Variants in C6 observed in about 807,000 individuals in gnomAD.
C6 encodes the protein complement C6, also known as complement component C6.
Under a neutral mutation model 112.9 loss-of-function variants are expected in C6, and 101 were observed. The observed-to-expected ratio is 0.89, with a 90% CI of 0.76 to 1.06. C6 has a LOEUF of 1.06. Ranked by LOEUF, C6 falls within the 50% of genes least tolerant of loss-of-function variation. The probability of loss-of-function intolerance (pLI) is 0.00; values close to 1 mark genes in which losing one functional copy is unlikely to be tolerated. For missense variants in C6, 1,202 were observed against 1,104.6 expected (o/e 1.09, Z -1.25); for synonymous variants, 431 against 384.1 (o/e 1.12, Z -1.43).
At chr5:41,234,340 T>G (rs1035763206) in intron 1 of C6, among the ~76,000 whole-genome samples, 8 of 145,758 alleles carry the variant, frequency 5.5e-5, no homozygotes, top group South Asian at 2.2e-4. Context: ...ACCCTTTCGT[T>G]TTTTTTTTTG....
chr5:41,204,763 G>A (rs944290009), intron 1 of C6, among the ~76,000 whole-genome samples: 63 of 145,162 alleles, frequency 4.3e-4, no homozygotes, highest in Middle Eastern at 3.7e-3. Context: ...TCTGCCTCCC[G>A]GGTTCATGCC....
intron 1 of C6, among the ~76,000 whole-genome samples, chr5:41,204,490 G>A (rs151232569): frequency 2.1e-4 from 32 of 152,062 alleles, no homozygotes; most frequent in African/African-American, 6.5e-4. Context: ...ATATTTCTAC[G>A]TGATTAGTTT....
At chr5:41,179,710 A>G (rs570161133) in intron 7 of C6, among the ~76,000 whole-genome samples, 1 of 148,486 alleles carries the variant, frequency 6.7e-6, no homozygotes, top group East Asian at 1.9e-4. Flanking sequence ...ATATAGTTAT[A>G]TATAATTTAT....
chr5:41,150,316 A>G (rs1358645537), intron 15 of C6, among the ~76,000 whole-genome samples: 2 of 152,212 alleles, frequency 1.3e-5, no homozygotes, highest in African/African-American at 4.8e-5. Context: ...TTTATTGAGT[A>G]TACATGATAT....
intron 13 of C6, 65 bp from the exon 14 acceptor site, chr5:41,155,169 T>A: frequency 7.0e-7 from 1 of 1,433,816 alleles, no homozygotes; most frequent in Non-Finnish European, 9.8e-7. Flanking sequence ...CTCTTTAGTC[T>A]CACACTGATC....
intron 1 of C6, among the ~76,000 whole-genome samples, chr5:41,211,715 A>G (rs891113142): frequency 6.6e-6 from 1 of 152,160 alleles, no homozygotes; most frequent in Non-Finnish European, 1.5e-5. Flanking sequence ...AAAACTAAAT[A>G]GATACTTTGT....
chr5:41,148,627 A>T (rs142513844), intron 17 of C6, among the ~76,000 whole-genome samples: 1 of 152,188 alleles, frequency 6.6e-6, no homozygotes, highest in South Asian at 2.1e-4. Flanking sequence ...CTCCACAGGC[A>T]TGAGCCCCAG....
chr5:41,193,339 A>G (rs1266260798), intron 5 of C6, among the ~76,000 whole-genome samples: 1 of 152,216 alleles, frequency 6.6e-6, no homozygotes, highest in Non-Finnish European at 1.5e-5. Context: ...TAAGCCAGCT[A>G]TGAAGAAATT....
chr5:41,180,078 T>G (rs1749201008), intron 7 of C6, among the ~76,000 whole-genome samples: 3 of 152,180 alleles, frequency 2.0e-5, no homozygotes, highest in Non-Finnish European at 4.4e-5. Context: ...GATAATCTCT[T>G]AGAATTGTTT....
At chr5:41,193,347 A>T (rs1750362943) in intron 5 of C6, among the ~76,000 whole-genome samples, 1 of 152,110 alleles carries the variant, frequency 6.6e-6, no homozygotes, top group Non-Finnish European at 1.5e-5. Flanking sequence ...CTATGAAGAA[A>T]TTTTCAGTCT....
At chr5:41,219,874 C>A (rs1383577903) in intron 1 of C6, among the ~76,000 whole-genome samples, 1 of 152,102 alleles carries the variant, frequency 6.6e-6, no homozygotes, top group African/African-American at 2.4e-5. Context: ...CCTGACAATC[C>A]CATTAACATC....
chr5:41,222,832 T>C (rs936531831), intron 1 of C6, among the ~76,000 whole-genome samples: 2 of 152,162 alleles, frequency 1.3e-5, no homozygotes, highest in African/African-American at 4.8e-5. Context: ...TTCTCTTGTA[T>C]TGAAAGAGTA....
At chr5:41,174,751 A>T (rs953843902) in intron 8 of C6, among the ~76,000 whole-genome samples, 29 of 152,242 alleles carry the variant, frequency 1.9e-4, no homozygotes, top group Admixed American at 1.4e-3. Context: ...ACAACAGGGG[A>T]TATAATTCTT....
In C6 at chr5:41,172,213, G is replaced by C. The variant is rs1220524901; in HGVS notation, c.1291+12C>G. 3 of 1,613,570 alleles carry C rather than the reference G, an allele frequency of 1.9e-6. No homozygotes were observed. Among genetic ancestry groups the C allele is most frequent in the Non-Finnish European group, 2.5e-6 (3 of 1,179,590 alleles). On this transcript the variant is annotated intron_variant, in intron 9 of 17. Transcript: ENST00000337836. ...GCACACTGGATAAGCTGCTAAGAGA[G>C]AGTACTGTTACCTTCATGTTTCTCT...
At chr5:41,158,811 G>A (rs779359523) in intron 12 of C6, 26 bp from the exon 13 acceptor site, 5 of 1,254,566 alleles carry the variant, frequency 4.0e-6, no homozygotes, top group African/African-American at 1.5e-5. Context: ...AAATATGTGT[G>A]TATATGTATG....
intron 1 of C6, among the ~76,000 whole-genome samples, chr5:41,210,545 A>C (rs1751830016): frequency 6.6e-6 from 1 of 152,210 alleles, no homozygotes; most frequent in Non-Finnish European, 1.5e-5. Flanking sequence ...ACCCCATCAA[A>C]AAGTGGGCAA....
intron 4 of C6, among the ~76,000 whole-genome samples, chr5:41,199,038 C>T (rs938138901): frequency 6.6e-6 from 1 of 152,240 alleles, no homozygotes; most frequent in African/African-American, 2.4e-5. Flanking sequence ...AAAACCCTGA[C>T]CCCAGCATTC....
intron 8 of C6, 116 bp from the exon 9 acceptor site, chr5:41,172,463 C>T: frequency 1.0e-6 from 1 of 963,696 alleles, no homozygotes; most frequent in Non-Finnish European, 1.6e-6. Context: ...CCCCTCTCTT[C>T]CCCAGTCCCC....
At chr5:41,193,847 G>A (rs1750407749) in intron 5 of C6, among the ~76,000 whole-genome samples, 1 of 149,252 alleles carries the variant, frequency 6.7e-6, no homozygotes, top group African/African-American at 2.5e-5. Flanking sequence ...CAGGATTGGA[G>A]AGGCAGAGAT....
Sources: gnomAD v4.1 joint callset for allele counts (sites outside exome capture counted in the v4.1 genomes callset) on GRCh38, gnomAD v4.1.1 for gene constraint, MANE v1.5 for transcripts, NCBI Gene and HGNC (gene_info 2026-07-23, HGNC 2026-07-21) for gene names.